The following MYO1D variants were observed in gnomAD, a reference collection of about 807,000 sequenced individuals.
MYO1D encodes the protein myosin ID.
Under a neutral mutation model 122.0 loss-of-function variants are expected in MYO1D, and 83 were observed. The ratio of observed to expected loss-of-function variants is 0.68; its 90% CI spans 0.57 to 0.82. MYO1D has a LOEUF of 0.82. MYO1D is among the 40% of genes least tolerant of loss of function. The pLI is 0.00. For missense variants in MYO1D, 1,157 were observed against 1,269.5 expected, an observed-to-expected ratio of 0.91 and a Z score of 1.35; for synonymous variants, 464 against 446.9, an observed-to-expected ratio of 1.04 and a Z score of -0.48.
intron 1 of MYO1D, among the ~76,000 whole-genome samples, chr17:32,871,993 T>C (rs901936646): frequency 5.3e-5 from 8 of 152,158 alleles, no homozygotes; most frequent in African/African-American, 1.7e-4. Context: ...CAAGTGGTCA[T>C]CAGGGTTGCT....
intron 19 of MYO1D, among the ~76,000 whole-genome samples, chr17:32,641,342 A>C (rs1369823091): frequency 6.6e-6 from 1 of 151,786 alleles, no homozygotes; most frequent in East Asian, 1.9e-4. Flanking sequence ...TCATTGTTGG[A>C]CATTTGGGTT....
chr17:32,494,552 C>T lies in MYO1D; in HGVS notation c.*207G>A. 1.5e-6 allele frequency: 1 copy of T among 658,062 alleles called. No homozygotes were observed. The highest frequency in any genetic ancestry group is 2.5e-6 in the Non-Finnish European group (1 of 397,982). The allele number at this position is 658,062 out of a possible 1,614,324, so 40.8% of individuals were successfully genotyped here. ...CTGGGCGGGGCACCAGGGTCTTTGG[C>T]TTATTGAACAGGGACCGTGGACAGT... On this transcript the variant is annotated 3_prime_UTR_variant, in exon 22 of 22. Coordinates refer to ENST00000318217, the MANE Select transcript of MYO1D (RefSeq NM_015194.3).
At chr17:32,593,290 A>G (rs569508389) in intron 21 of MYO1D, among the ~76,000 whole-genome samples, 21 of 152,212 alleles carry the variant, frequency 1.4e-4, no homozygotes, top group African/African-American at 5.1e-4. Flanking sequence ...ACCTGGCAAG[A>G]CAAGAGATGT....
intron 7 of MYO1D, among the ~76,000 whole-genome samples, 166 bp from the exon 8 acceptor site, chr17:32,765,247 G>A (rs181802001): frequency 2.2e-3 from 331 of 151,868 alleles, no homozygotes; most frequent in African/African-American, 7.7e-3. Flanking sequence ...CCCTTTCTCC[G>A]GACACTCATC....
chr17:32,804,659 AT>A (rs1305401879), intron 1 of MYO1D, among the ~76,000 whole-genome samples: 3 of 152,122 alleles, frequency 2.0e-5, no homozygotes, highest in African/African-American at 7.2e-5. Context: ...GCTATCTAGT[AT>A]TTTAAATGCT....
chr17:32,810,299 G>C (rs1378097422), intron 1 of MYO1D, among the ~76,000 whole-genome samples: 1 of 152,166 alleles, frequency 6.6e-6, no homozygotes, highest in African/African-American at 2.4e-5. Flanking sequence ...AGTTCTAAGG[G>C]TGACCCTGAA....
rs201507286 is a variant in MYO1D, at chr17:32,580,410, T to TTC, written c.2864+24676_2864+24677insGA. Among the ~76,000 whole-genome samples, 31 of 35,902 alleles carry TTC rather than the reference T, an allele frequency of 8.6e-4. 2 individuals are homozygous for TTC. Among genetic ancestry groups the TTC allele is most frequent in the African/African-American group, 2.7e-3 (20 of 7,498 alleles). The allele number at this position is 35,902 out of a possible 152,430, so 23.6% of individuals were successfully genotyped here. ...TTTTCAGTTTGTTTATCTGGTGAAT[T>TTC]TTTTTTTTTTTTTTTTTGAGTCAGA... On this transcript the variant is annotated intron_variant, in intron 21 of 21. Transcript: ENST00000318217.
At chr17:32,629,190 A>T (rs2087969128) in intron 20 of MYO1D, among the ~76,000 whole-genome samples, 1 of 152,238 alleles carries the variant, frequency 6.6e-6, no homozygotes, top group South Asian at 2.1e-4. Flanking sequence ...AGAGACAGTA[A>T]AATGATAGTG....
chr17:32,658,058 A>G (rs2088502083), intron 17 of MYO1D, among the ~76,000 whole-genome samples: 1 of 152,244 alleles, frequency 6.6e-6, no homozygotes, highest in Admixed American at 6.5e-5. Context: ...AATTATTTAT[A>G]GTACTATATC....
chr17:32,606,041 C>T (rs563481852), intron 20 of MYO1D, among the ~76,000 whole-genome samples: 10 of 152,032 alleles, frequency 6.6e-5, no homozygotes, highest in Admixed American at 4.6e-4. Flanking sequence ...CAGAGGTTGC[C>T]GTGAGCTGAG....
At chr17:32,539,718 C>T (rs962988421) in intron 21 of MYO1D, among the ~76,000 whole-genome samples, 30 of 152,134 alleles carry the variant, frequency 2.0e-4, no homozygotes, top group African/African-American at 7.2e-4. Flanking sequence ...AATCTAATTT[C>T]GAGATTCTTA....
intron 1 of MYO1D, among the ~76,000 whole-genome samples, chr17:32,866,299 T>G (rs753663505): frequency 6.6e-6 from 1 of 152,162 alleles, no homozygotes; most frequent in Non-Finnish European, 1.5e-5. Context: ...AAAAAAATTC[T>G]CTCTCTCTTC....
At position 32,551,943 on chromosome 17, in the gene MYO1D, A is replaced by G. The variant is rs187667463; in HGVS notation, c.2864+53144T>C. On this transcript the variant is annotated intron_variant, in intron 21 of 21. Transcript: ENST00000318217. ...ATGTTCAAATCTCCTCCAGTAAACA[A>G]AAGACCAAAAAGTCCACCTGTTCTT... Among the ~76,000 whole-genome samples the G allele has an allele frequency of 2.6e-5, 4 of 152,352 alleles. No individual in the cohort carries two copies. In the East Asian group the frequency reaches 7.7e-4, roughly 29 times the overall value.
At chr17:32,839,996 A>C (rs1269869081) in intron 1 of MYO1D, among the ~76,000 whole-genome samples, 1 of 152,208 alleles carries the variant, frequency 6.6e-6, no homozygotes, top group Non-Finnish European at 1.5e-5. Flanking sequence ...ATATTTACAC[A>C]AAAGATCTTG....
In MYO1D at chr17:32,828,755, G is replaced by A. The variant is rs1379103107; in HGVS notation, c.96-47971C>T. Among the ~76,000 whole-genome samples the A allele has an allele frequency of 1.3e-3, 201 of 152,294 alleles. 5 individuals carry two copies. Among genetic ancestry groups the A allele is most frequent in the Admixed American group, 0.013 (200 of 15,298 alleles). ...AAAAGCTAACCTATTTTGAATGCCT[G>A]CTTCGTGCTAAGAGGCAAGGTGGTG... On this transcript the variant is annotated intron_variant, in intron 1 of 21. Coordinates refer to ENST00000318217, the MANE Select transcript of MYO1D (RefSeq NM_015194.3).
At chr17:32,865,862 A>G (rs952165262) in intron 1 of MYO1D, among the ~76,000 whole-genome samples, 2 of 152,188 alleles carry the variant, frequency 1.3e-5, no homozygotes, top group Non-Finnish European at 2.9e-5. Context: ...GAACTAGCAG[A>G]TGTTCTTGAT....
intron 1 of MYO1D, among the ~76,000 whole-genome samples, chr17:32,835,477 A>T (rs2090813708): frequency 6.6e-6 from 1 of 152,222 alleles, no homozygotes; most frequent in South Asian, 2.1e-4. Flanking sequence ...TACAACAGAA[A>T]TGCACTCAAT....
At chr17:32,507,750 A>C (rs1339498891) in intron 21 of MYO1D, among the ~76,000 whole-genome samples, 1 of 152,210 alleles carries the variant, frequency 6.6e-6, no homozygotes, top group African/African-American at 2.4e-5. Flanking sequence ...AAATGAGGTC[A>C]TAGGAGCAGG....
At chr17:32,541,153 C>T (rs979839970) in intron 21 of MYO1D, among the ~76,000 whole-genome samples, 1 of 152,128 alleles carries the variant, frequency 6.6e-6, no homozygotes, top group Admixed American at 6.5e-5. Flanking sequence ...CAGCATTATT[C>T]ATAATAGCCA....
Sources: allele counts gnomAD v4.1 joint callset (sites outside exome capture counted in the v4.1 genomes callset), GRCh38; gene constraint gnomAD v4.1.1; transcripts MANE v1.5; gene names NCBI Gene and HGNC (gene_info 2026-07-23, HGNC 2026-07-21).